The following WNK1 variants were observed in gnomAD, a reference collection of about 807,000 sequenced individuals.
WNK1 encodes the protein WNK lysine deficient protein kinase 1.
In WNK1, 38 loss-of-function variants were observed where a neutral mutation model predicts 222.8. The observed-to-expected ratio is 0.17, with a 90% CI of 0.13 to 0.22. WNK1 has a LOEUF of 0.22. Ranked by LOEUF, WNK1 falls within the 10% of genes least tolerant of loss-of-function variation. The pLI is 1.00. For missense variants in WNK1, 2,348 were observed against 2,918.4 expected (o/e 0.80, Z 4.50); for synonymous variants, 1,090 against 1,092.9 (o/e 1.00, Z 0.05).
intron 4 of WNK1, among the ~76,000 whole-genome samples, chr12:844,041 T>C (rs534560314): frequency 6.6e-6 from 1 of 152,352 alleles, no homozygotes; most frequent in African/African-American, 2.4e-5. Flanking sequence ...AGTAACCAAT[T>C]TGACTTAAAA....
rs780714756 is a variant in WNK1, at chr12:894,653, T to G, written c.5583+18T>G. ...GATTTCAGGTAAGACAGTCACTTTG[T>G]GTTGCCTTGATTCCTTCCTTTGGAG... On this transcript the variant is annotated intron_variant, in intron 23 of 27. Coordinates refer to ENST00000315939, the MANE Select transcript of WNK1 (RefSeq NM_018979.4). 2 of 1,611,866 alleles carry G rather than the reference T, an allele frequency of 1.2e-6. No homozygotes were observed. The highest frequency in any genetic ancestry group is 1.7e-6 in the Non-Finnish European group (2 of 1,177,954).
intron 1 of WNK1, among the ~76,000 whole-genome samples, chr12:794,426 A>C (rs2153984293): frequency 6.6e-6 from 1 of 152,184 alleles, no homozygotes; most frequent in South Asian, 2.1e-4. Context: ...AATAAGGTTA[A>C]GCATAATGTT....
At chr12:869,663 G>A (rs1951973316) in intron 8 of WNK1, among the ~76,000 whole-genome samples, 1 of 152,094 alleles carries the variant, frequency 6.6e-6, no homozygotes, top group Non-Finnish European at 1.5e-5. Context: ...AACAGTTTAG[G>A]AATTTGCCTT....
intron 1 of WNK1, among the ~76,000 whole-genome samples, chr12:767,271 G>C (rs1941867868): frequency 4.9e-5 from 3 of 61,552 alleles, no homozygotes; most frequent in Admixed American, 5.0e-4. Flanking sequence ...TTTTTTTTTG[G>C]AGACAGAGTC....
rs752220721 is a variant in WNK1 at position 753,884 on chromosome 12, A to C, written c.319A>C (p.Ile107Leu). Reference sequence around the variant, plus strand: ...TCCTCTTTCCCTGCCCCAGCCCAGCATCCCCGCGGCTGTCCCGCAGAGTGC... The same window carrying C: ...TCCTCTTTCCCTGCCCCAGCCCAGCCTCCCCGCGGCTGTCCCGCAGAGTGC... ...GLPLSLPQPS[I>L]PAAVPQSAPP... is the part of the protein sequence containing the mutation. Residue 107 changes from isoleucine (I) to leucine (L), a missense_variant, in exon 1 of 28, where the codon ATC (isoleucine) becomes CTC (leucine). Transcript: ENST00000315939. The surrounding 1 kb of genome is among the most constrained non-coding windows in gnomAD (Gnocchi z 5.2). 6.2e-7 allele frequency: 1 copy of C among 1,612,076 alleles called. No homozygotes were observed. The highest frequency in any genetic ancestry group is 2.2e-5 in the East Asian group (1 of 44,860).
At chr12:890,303 G>T in intron 21 of WNK1, 150 bp from the exon 22 acceptor site, 1 of 850,218 alleles carries the variant, frequency 1.2e-6, no homozygotes, top group Non-Finnish European at 1.9e-6. Flanking sequence ...AAAGAAAAAG[G>T]AAAGAAGATA....
intron 4 of WNK1, among the ~76,000 whole-genome samples, chr12:830,823 A>C (rs1376241115): frequency 3.3e-5 from 5 of 152,226 alleles, no homozygotes; most frequent in South Asian, 2.1e-4. Context: ...TGCATCATCC[A>C]ATACCCTGAA....
intron 8 of WNK1, chr12:865,428 G>T: frequency 1.4e-6 from 2 of 1,478,358 alleles, no homozygotes; most frequent in Non-Finnish European, 1.8e-6. Flanking sequence ...CAGGCAACAA[G>T]AATTTTAATT....
At chr12:787,337 G>A (rs1944407840) in intron 1 of WNK1, among the ~76,000 whole-genome samples, 1 of 152,018 alleles carries the variant, frequency 6.6e-6, no homozygotes, top group Non-Finnish European at 1.5e-5. Context: ...TTGCTGATCT[G>A]AAACTCTGGG....
intron 17 of WNK1, 138 bp downstream of exon 17, chr12:883,969 A>G (rs985731455): frequency 1.1e-5 from 16 of 1,476,850 alleles, no homozygotes; most frequent in Non-Finnish European, 8.4e-6. Flanking sequence ...CGGAGGTTGC[A>G]GTGAGCTGAG....
intron 1 of WNK1, among the ~76,000 whole-genome samples, chr12:808,465 C>G (rs1168703466): frequency 6.6e-6 from 1 of 151,706 alleles, no homozygotes; most frequent in African/African-American, 2.4e-5. Flanking sequence ...CCTTTGTCCA[C>G]ATGTTCTAAG....
chr12:908,861 G>GGGGGGGGGGGGGGGGGCCC lies in WNK1; in HGVS notation c.*69_*70insGGGGGGGGGGGGGGGGCCC. ...ATGCTGAGGGGGTGGGTGGGGGTGG[G>GGGGGGGGGGGGGGGGGCCC]AAGTAGCCTATATACTAACTACTAG... is the stretch of plus-strand genomic sequence containing the variant. On this transcript the variant is annotated 3_prime_UTR_variant, in exon 28 of 28. Transcript: ENST00000315939. The GGGGGGGGGGGGGGGGGCCC allele has an allele frequency of 4.1e-6, 2 of 491,846 alleles. No homozygotes were observed. The highest frequency in any genetic ancestry group is 8.3e-6 in the Non-Finnish European group (2 of 241,770). The allele number at this position is 491,846 out of a possible 1,614,324, so 30.5% of individuals were successfully genotyped here.
At chr12:785,960 T>C (rs1944265757) in intron 1 of WNK1, among the ~76,000 whole-genome samples, 1 of 152,196 alleles carries the variant, frequency 6.6e-6, no homozygotes, top group Non-Finnish European at 1.5e-5. Context: ...TTGGGATCTT[T>C]AGAGCTGTTC....
At chr12:871,140 T>G (rs1294602010) in intron 8 of WNK1, 125 bp from the exon 9 acceptor site, 1 of 889,576 alleles carries the variant, frequency 1.1e-6, no homozygotes, top group African/African-American at 1.7e-5. Flanking sequence ...CCATACATAA[T>G]CAGGTTAATG....
chr12:861,940 T>G, intron 7 of WNK1, 143 bp from the exon 8 acceptor site: 1 of 921,182 alleles, frequency 1.1e-6, no homozygotes, highest in Non-Finnish European at 1.7e-6. Flanking sequence ...TGGCTACAAT[T>G]CATTTTTTAT....
Position 865,397 on chromosome 12 carries a change from A to G in WNK1, c.2139+3127A>G, listed in dbSNP as rs1489268147. Reference sequence around the variant, plus strand: ...ACTGTAAACTTCTGACAAATGAACAATTATTACCAATGAATACATCCAGGC... The same window carrying G: ...ACTGTAAACTTCTGACAAATGAACAGTTATTACCAATGAATACATCCAGGC... On this transcript the variant is annotated intron_variant, in intron 8 of 27. Transcript: ENST00000315939. The G allele has an allele frequency of 8.5e-6, 13 of 1,522,052 alleles. No homozygotes were observed. In the East Asian group the frequency reaches 1.5e-4, roughly 17 times the overall value. 94.3% of individuals were successfully genotyped at this position (1,522,052 alleles called of 1,614,324 possible).
chr12:887,185 G>C (rs369312696), intron 19 of WNK1, 36 bp from the exon 20 acceptor site: 14 of 1,589,504 alleles, frequency 8.8e-6, no homozygotes, highest in Admixed American at 3.3e-5. Context: ...TATATTTAGC[G>C]TCTCACGGAC....
At position 909,107 on chromosome 12, in the gene WNK1, G is replaced by A; in HGVS notation, c.*315G>A. ...AAGTCTTGTTCATAAGGAAGCTGGA[G>A]AACTCAATGTAAAATCAAACCCATC... On this transcript the variant is annotated 3_prime_UTR_variant, in exon 28 of 28. Transcript: ENST00000315939. 2.8e-6 allele frequency: 1 copy of A among 355,938 alleles called. No individual in the cohort carries two copies. The highest frequency in any genetic ancestry group is 5.3e-6 in the Non-Finnish European group (1 of 189,192). 22.0% of individuals were successfully genotyped at this position (355,938 alleles called of 1,614,324 possible).
rs561276178 is a variant in WNK1 at position 827,772 on chromosome 12, A to G, written c.1153+510A>G. Among the ~76,000 whole-genome samples, 6 of 152,090 alleles carry G rather than the reference A, an allele frequency of 3.9e-5. No individual in the cohort carries two copies. Among genetic ancestry groups the G allele is most frequent in the African/African-American group, 1.4e-4 (6 of 41,504 alleles). The stretch of plus-strand genomic sequence containing the variant: ...TCGAACTCCTGGCCTCAAGTGATCC[A>G]CCTGCCTTGGCCTCCTAAAGTGTTG... On this transcript the variant is annotated intron_variant, in intron 3 of 27. Coordinates refer to ENST00000315939, the MANE Select transcript of WNK1 (RefSeq NM_018979.4). The surrounding 1 kb of genome is among the most constrained non-coding windows in gnomAD (Gnocchi z 4.6).
Sources: allele counts gnomAD v4.1 joint callset (sites outside exome capture counted in the v4.1 genomes callset), GRCh38; gene constraint gnomAD v4.1.1; non-coding constraint Gnocchi (gnomAD v3.1); transcripts MANE v1.5; gene names NCBI Gene and HGNC (gene_info 2026-07-23, HGNC 2026-07-21).